Variants in DMD observed in about 807,000 individuals in gnomAD.
The protein encoded by DMD is mutant dystrophin.
Under a neutral mutation model 330.1 loss-of-function variants are expected in DMD, and 63 were observed. The observed-to-expected ratio is 0.19, with a 90% confidence interval of 0.16 to 0.24. DMD has a LOEUF of 0.24. Ranked by LOEUF, DMD falls within the 10% of genes least tolerant of loss-of-function variation. DMD has a pLI of 1.00. For missense variants in DMD, 3,344 were observed against 2,684.1 expected (o/e 1.25, Z -5.43); for synonymous variants, 1,223 against 959.8 (o/e 1.27, Z -5.07).
intron 2 of DMD, among the ~76,000 whole-genome samples, chrX:33,008,847 TGTATAC>T (rs1349782290): frequency 4.1e-5 from 4 of 97,918 alleles, no homozygotes; most frequent in Non-Finnish European, 6.2e-5. Context: ...TACACATATA[TGTATAC>T]GTGTATATAT....
At chrX:31,725,343 C>G (rs1201633274) in intron 52 of DMD, among the ~76,000 whole-genome samples, 1 of 111,608 alleles carries the variant, frequency 9.0e-6, no homozygotes, top group Non-Finnish European at 1.9e-5. Flanking sequence ...TCCATCTTTT[C>G]CAAGCAACCT....
intron 54 of DMD, among the ~76,000 whole-genome samples, chrX:31,629,214 T>C (rs768540681): frequency 1.8e-5 from 2 of 111,966 alleles, no homozygotes; most frequent in South Asian, 7.5e-4. Context: ...TAAGATGTGA[T>C]TGTCAATAAT....
At chrX:32,731,587 C>G (rs983624311) in intron 7 of DMD, among the ~76,000 whole-genome samples, 2 of 112,384 alleles carry the variant, frequency 1.8e-5, no homozygotes, top group Non-Finnish European at 3.8e-5. Context: ...ACTGCCTCCT[C>G]AAGTGGGTGC....
intron 16 of DMD, among the ~76,000 whole-genome samples, chrX:32,556,133 C>T (rs1261197834): frequency 1.8e-5 from 2 of 111,733 alleles, no homozygotes; most frequent in African/African-American, 6.5e-5. Context: ...AACAAATAAC[C>T]TCATTAAAAA....
At chrX:32,452,783 A>C (rs889288145) in intron 26 of DMD, among the ~76,000 whole-genome samples, 2 of 111,008 alleles carry the variant, frequency 1.8e-5, no homozygotes, top group African/African-American at 6.5e-5. Flanking sequence ...TTTCTTGTCC[A>C]TTTAGAATAA....
At chrX:31,322,660 G>A (rs1765879695) in intron 62 of DMD, among the ~76,000 whole-genome samples, 1 of 111,822 alleles carries the variant, frequency 8.9e-6, no homozygotes, top group South Asian at 3.7e-4. Flanking sequence ...GAAGATCTAG[G>A]ACTGCTGTTA....
chrX:31,752,418 A>C (rs1394131886), intron 51 of DMD, among the ~76,000 whole-genome samples: 1 of 110,970 alleles, frequency 9.0e-6, no homozygotes, highest in East Asian at 2.9e-4. Context: ...GCAAAAAAGC[A>C]AACAAAAAAC....
chrX:32,708,712 A>G (rs2064912124), intron 7 of DMD, among the ~76,000 whole-genome samples: 1 of 111,406 alleles, frequency 9.0e-6, no homozygotes, highest in Non-Finnish European at 1.9e-5. Flanking sequence ...CTAATTCCTA[A>G]GGAAGAAACG....
chrX:32,358,936 C>T (rs1820734413), intron 37 of DMD, among the ~76,000 whole-genome samples: 1 of 111,739 alleles, frequency 8.9e-6, no homozygotes, highest in East Asian at 2.8e-4. Flanking sequence ...ATAATTTGAT[C>T]CTCATTACAA....
intron 44 of DMD, among the ~76,000 whole-genome samples, chrX:32,194,534 A>G (rs2096989941): frequency 8.9e-6 from 1 of 111,955 alleles, no homozygotes. Context: ...TCCTCTATTC[A>G]CTGCCGAGTA....
intron 47 of DMD, among the ~76,000 whole-genome samples, chrX:31,889,245 G>A (rs970046249): frequency 5.4e-5 from 6 of 111,899 alleles, no homozygotes; most frequent in Non-Finnish European, 1.1e-4. Flanking sequence ...TGGTGTTCAT[G>A]AGCAGCACTG....
intron 7 of DMD, among the ~76,000 whole-genome samples, chrX:32,750,214 G>A (rs1467138208): frequency 2.7e-5 from 3 of 111,796 alleles, no homozygotes; most frequent in African/African-American, 9.8e-5. Flanking sequence ...AACTAGCATA[G>A]CATTAGAGTT....
At chrX:32,398,887 C>T (rs996452774) in intron 30 of DMD, among the ~76,000 whole-genome samples, 8 of 111,106 alleles carry the variant, frequency 7.2e-5, no homozygotes, top group East Asian at 2.8e-4. Context: ...CTGGCTTAAG[C>T]GCAAACACAC....
intron 7 of DMD, among the ~76,000 whole-genome samples, chrX:32,742,875 G>C (rs2069478846): frequency 8.9e-6 from 1 of 111,900 alleles, no homozygotes; most frequent in African/African-American, 3.3e-5. Flanking sequence ...CTACGATGTA[G>C]ATACTATTAT....
At chrX:32,802,591 A>C (rs765836316) in intron 7 of DMD, among the ~76,000 whole-genome samples, 19 of 111,849 alleles carry the variant, frequency 1.7e-4, no homozygotes, top group African/African-American at 6.2e-4. Flanking sequence ...TTGCCCATTC[A>C]GTATGATATT....
At chrX:32,709,368 G>A (rs934701656) in intron 7 of DMD, among the ~76,000 whole-genome samples, 2 of 111,966 alleles carry the variant, frequency 1.8e-5, no homozygotes, top group African/African-American at 3.2e-5. Context: ...TGTAATAAAT[G>A]ATGTTAAGAA....
At chrX:33,186,400 G>T (rs1192231735) in intron 1 of DMD, among the ~76,000 whole-genome samples, 1 of 111,546 alleles carries the variant, frequency 9.0e-6, no homozygotes, top group Non-Finnish European at 1.9e-5. Context: ...GATGGGAATA[G>T]GCCAGCAGAG....
At chrX:32,805,404 A>G (rs1603430378) in intron 7 of DMD, among the ~76,000 whole-genome samples, 1 of 111,882 alleles carries the variant, frequency 8.9e-6, no homozygotes, top group East Asian at 2.8e-4. Flanking sequence ...TGTGAAGACA[A>G]GATTAGAGAA....
chrX:32,785,773 G>GA (rs935511958), intron 7 of DMD, among the ~76,000 whole-genome samples: 112 of 110,955 alleles, frequency 1.0e-3, no homozygotes, highest in Non-Finnish European at 1.8e-3. Context: ...ATAATAGAGA[G>GA]AAAAAAATAC....
Sources: gnomAD v4.1 joint callset for allele counts (sites outside exome capture counted in the v4.1 genomes callset) on GRCh38, gnomAD v4.1.1 for gene constraint, MANE v1.5 for transcripts, NCBI Gene and HGNC (gene_info 2026-07-23, HGNC 2026-07-21) for gene names.